The following ANKRD28 variants were observed in gnomAD, a reference collection of about 807,000 sequenced individuals.
The protein encoded by ANKRD28 is serine/threonine-protein phosphatase 6 regulatory ankyrin repeat subunit A.
A neutral mutation model predicts 126.5 loss-of-function variants in ANKRD28; 44 were observed. The ratio of observed to expected loss-of-function variants is 0.35; its 90% CI spans 0.27 to 0.45. ANKRD28 has a LOEUF of 0.45. Ranked by LOEUF, ANKRD28 falls within the 20% of genes least tolerant of loss-of-function variation. ANKRD28 has a pLI of 1.00. For missense variants in ANKRD28, 1,110 were observed against 1,316.6 expected (o/e 0.84, Z 2.43); for synonymous variants, 442 against 468.5 (o/e 0.94, Z 0.73).
In ANKRD28 at chr3:15,853,242, C is replaced by T. The variant is rs950842523; in HGVS notation, c.27+6135G>A. Among the ~76,000 whole-genome samples, 7 of 152,090 alleles carry T rather than the reference C, an allele frequency of 4.6e-5. No homozygotes were observed. Among genetic ancestry groups the T allele is most frequent in the African/African-American group, 1.4e-4 (6 of 41,408 alleles). On this transcript the variant is annotated intron_variant, in intron 1 of 27. Transcript: ENST00000399451. The surrounding 1 kb of genome is among the most constrained non-coding windows in gnomAD (Gnocchi z 4.2). ...TATGATGTGAACCGCCCATAGGATA[C>T]ATTATTCAAAACAAAAGACCTAATC... is the stretch of plus-strand genomic sequence containing the variant.
chr3:15,693,327 C>CAGAGAGAGAGAGAG (rs59750718), intron 17 of ANKRD28, among the ~76,000 whole-genome samples: 1 of 148,392 alleles, frequency 6.7e-6, no homozygotes, highest in Non-Finnish European at 1.5e-5. Context: ...AATGGGGGGG[C>CAGAGAGAGAGAGAG]AGAGAGAGAG....
At chr3:15,805,272 G>C (rs1043243865) in intron 1 of ANKRD28, among the ~76,000 whole-genome samples, 1 of 152,126 alleles carries the variant, frequency 6.6e-6, no homozygotes, top group African/African-American at 2.4e-5. Flanking sequence ...TACTCTGTTA[G>C]CAAGTATGTA....
rs555340509 is a variant in ANKRD28 at position 15,830,752 on chromosome 3, C to T, written c.27+28625G>A. Among the ~76,000 whole-genome samples the T allele has an allele frequency of 2.4e-4, 36 of 152,012 alleles. 1 individual carries two copies. Among genetic ancestry groups the T allele is most frequent in the Non-Finnish European group, 3.7e-4 (25 of 67,964 alleles). On this transcript the variant is annotated intron_variant, in intron 1 of 27. Transcript: ENST00000399451. This position sits in a 1 kb window ranked among gnomAD's most constrained non-coding sequence, Gnocchi z 4.5. ...TGGAATGTCCTGCTTGATAAAGAGT[C>T]GTTGTTTACCTGGGGGCTTTGGTCC...
chr3:15,766,053 C>A (rs2058720594), intron 3 of ANKRD28, among the ~76,000 whole-genome samples, 181 bp downstream of exon 3: 1 of 151,890 alleles, frequency 6.6e-6, no homozygotes, highest in African/African-American at 2.4e-5. Context: ...CTTTAATGTA[C>A]TCTAAGCACC....
Position 15,812,010 on chromosome 3 carries a change from A to G in ANKRD28, c.28-16704T>C, listed in dbSNP as rs1415639790. Among the ~76,000 whole-genome samples the G allele has an allele frequency of 6.6e-6, 1 of 151,924 alleles. No individual in the cohort carries two copies. Among genetic ancestry groups the G allele is most frequent in the Non-Finnish European group, 1.5e-5 (1 of 67,926 alleles). ...TTTACTAAAAATAGAAAAATTAGCC[A>G]GGCGTGGTGGTACGCACCTGTAGTC... On this transcript the variant is annotated intron_variant, in intron 1 of 27. Coordinates refer to the ANKRD28 transcript ENST00000399451. This position sits in a 1 kb window ranked among gnomAD's most constrained non-coding sequence, Gnocchi z 4.1.
chr3:15,855,940 T>C (rs2061755559), intron 1 of ANKRD28, among the ~76,000 whole-genome samples: 1 of 152,236 alleles, frequency 6.6e-6, no homozygotes, highest in Admixed American at 6.5e-5. Context: ...GTGGGCTTTA[T>C]CGCAATTTTT....
chr3:15,686,052 C>T lies in ANKRD28; in HGVS notation c.2119G>A (p.Ala707Thr), dbSNP rs1312520820. Reference sequence around the variant, plus strand: ...CACTTATCTTTGGCATCTACATTTGCTCCTTTGTTCAGCAATGAGTAAACA... The same window carrying T: ...CACTTATCTTTGGCATCTACATTTGTTCCTTTGTTCAGCAATGAGTAAACA... ...DCVYSLLNKG[A>T]NVDAKDKWGR... is the part of the protein sequence containing the mutation. The change falls in exon 20 of 28, where the codon GCA becomes ACA. Residue 707 changes from alanine to threonine, a missense_variant. Transcript: ENST00000683139. 1 of 1,613,808 alleles carries T rather than the reference C, an allele frequency of 6.2e-7. No homozygotes were observed. Among genetic ancestry groups the T allele is most frequent in the African/African-American group, 1.3e-5 (1 of 75,056 alleles).
chr3:15,859,336 T>C, intron 1 of ANKRD28: 1 of 1,517,896 alleles, frequency 6.6e-7, no homozygotes, highest in Non-Finnish European at 8.8e-7. Context: ...CTTCCCTTCC[T>C]TCCCGGACGG....
At chr3:15,681,717 C>T (rs1279094004) in intron 21 of ANKRD28, among the ~76,000 whole-genome samples, 1 of 152,162 alleles carries the variant, frequency 6.6e-6, no homozygotes, top group African/African-American at 2.4e-5. Flanking sequence ...TTTGTCAGTT[C>T]TTTTCTCTAA....
chr3:15,742,966 G>A (rs2057201508), intron 4 of ANKRD28, among the ~76,000 whole-genome samples: 1 of 151,740 alleles, frequency 6.6e-6, no homozygotes, highest in African/African-American at 2.4e-5. Flanking sequence ...TTGAGAAATC[G>A]GATGGTTGCC....
intron 8 of ANKRD28, among the ~76,000 whole-genome samples, chr3:15,716,811 A>G (rs2073125208): frequency 6.6e-6 from 1 of 152,202 alleles, no homozygotes; most frequent in Non-Finnish European, 1.5e-5. Context: ...AAAACACTTC[A>G]TATGGTCAGG....
chr3:15,731,588 G>A (rs1053279000), intron 6 of ANKRD28, among the ~76,000 whole-genome samples: 2 of 152,026 alleles, frequency 1.3e-5, no homozygotes, highest in Admixed American at 6.6e-5. Context: ...ACATATCTTT[G>A]GTGTAAACCA....
intron 2 of ANKRD28, among the ~76,000 whole-genome samples, chr3:15,782,623 G>A (rs140956663): frequency 2.5e-3 from 376 of 152,182 alleles, no homozygotes; most frequent in African/African-American, 8.5e-3. Context: ...TGAGTGTTCA[G>A]GGAAAAATGC....
chr3:15,814,567 A>G lies in ANKRD28; in HGVS notation c.28-19261T>C, dbSNP rs1039257386. 3.9e-5 allele frequency among the ~76,000 whole-genome samples: 6 copies of G among 152,136 alleles called. No homozygotes were observed. Among genetic ancestry groups the G allele is most frequent in the Non-Finnish European group, 7.4e-5 (5 of 67,998 alleles). The stretch of plus-strand genomic sequence containing the variant: ...AATTGGCTTCCCAGAAGAGACTTAA[A>G]AAGTGGTGTTTGTTTCTTAGAATTC... On this transcript the variant is annotated intron_variant, in intron 1 of 27. Transcript: ENST00000399451. The surrounding 1 kb of genome is among the most constrained non-coding windows in gnomAD (Gnocchi z 4.7).
chr3:15,715,148 A>G (rs978341969), intron 8 of ANKRD28, among the ~76,000 whole-genome samples: 1 of 152,230 alleles, frequency 6.6e-6, no homozygotes, highest in Non-Finnish European at 1.5e-5. Flanking sequence ...GGCTGCACAC[A>G]TATATATTTC....
chr3:15,761,749 T>G (rs1057252121), intron 3 of ANKRD28, among the ~76,000 whole-genome samples: 1 of 152,216 alleles, frequency 6.6e-6, no homozygotes, highest in African/African-American at 2.4e-5. Flanking sequence ...CTAAAATGTG[T>G]AGTATATCTT....
Position 15,746,528 on chromosome 3 carries a change from T to C in ANKRD28, c.351+5222A>G, listed in dbSNP as rs115585762. Among the ~76,000 whole-genome samples the C allele has an allele frequency of 3.0e-3, 458 of 152,338 alleles. 1 individual carries two copies. The highest frequency in any genetic ancestry group is 0.011 in the African/African-American group (442 of 41,570). On this transcript the variant is annotated intron_variant, in intron 4 of 27. Coordinates refer to ENST00000683139, the MANE Select transcript of ANKRD28 (RefSeq NM_001349278.2). Reference sequence around the variant, plus strand: ...TATCACATTTACTGACTTAGGTATGTTAATAACACCATCCATGCACCCCTG... The same window carrying C: ...TATCACATTTACTGACTTAGGTATGCTAATAACACCATCCATGCACCCCTG...
At chr3:15,691,769 T>C (rs1208346226) in intron 17 of ANKRD28, among the ~76,000 whole-genome samples, 2 of 152,138 alleles carry the variant, frequency 1.3e-5, no homozygotes, top group African/African-American at 2.4e-5. Context: ...ACTAGGTCAA[T>C]GAAAATTATG....
rs1267444026 is a variant in ANKRD28, at chr3:15,792,776, A to T, written c.201+2447T>A. On this transcript the variant is annotated intron_variant, in intron 2 of 27. Coordinates refer to ENST00000683139, the MANE Select transcript of ANKRD28 (RefSeq NM_001349278.2). ...TGAATACCTAATTCTTCATGATATG[A>T]TTATTTCACATTACATGCCTGTACC... Among the ~76,000 whole-genome samples, 5 of 152,174 alleles carry T rather than the reference A, an allele frequency of 3.3e-5. No individual in the cohort carries two copies. In the East Asian group the frequency reaches 9.6e-4, roughly 29 times the overall value.
Sources: gnomAD v4.1 joint callset for allele counts (sites outside exome capture counted in the v4.1 genomes callset) on GRCh38, gnomAD v4.1.1 for gene constraint, Gnocchi (gnomAD v3.1) non-coding constraint, MANE v1.5 for transcripts, NCBI Gene and HGNC (gene_info 2026-07-23, HGNC 2026-07-21) for gene names.